USP16: variants seen among roughly 807,000 people sequenced by gnomAD.
The protein encoded by USP16 is ubiquitin specific peptidase 16, also known as ubiquitin carboxyl-terminal hydrolase 16.
USP16 carries 77 observed loss-of-function variants against 95.9 expected under a neutral mutation model. The observed-to-expected ratio is 0.80, with a 90% CI of 0.67 to 0.97. USP16 has a LOEUF of 0.97. Ranked by LOEUF, USP16 falls within the 50% of genes least tolerant of loss-of-function variation. The pLI, the probability that USP16 is intolerant of heterozygous loss-of-function variation, is 0.00. For missense variants in USP16, 943 were observed against 959.9 expected (o/e 0.98, Z 0.23); for synonymous variants, 303 against 318.2 (o/e 0.95, Z 0.51).
At chr21:29,041,872 T>A (rs2085248437) in intron 10 of USP16, 141 bp from the exon 11 acceptor site, 1 of 657,094 alleles carries the variant, frequency 1.5e-6, no homozygotes, top group African/African-American at 1.8e-5. Context: ...AAAAAGGTGA[T>A]TATGAATGGA....
rs777198114 is a variant in USP16, at chr21:29,053,910, G to T, written c.2302G>T (p.Ala768Ser). ...CACTGCCTATGCCAAGGCAAGAACC[G>T]CAAATAGTCATCTCTCTAATCTTGT... Reference protein sequence around the residue: ...HYTAYAKARTANSHLSNLVLH... With the variant: ...HYTAYAKARTSNSHLSNLVLH... Residue 768 changes from alanine to serine, a missense_variant, in exon 17 of 18, where the codon GCA becomes TCA. Coordinates refer to ENST00000399976, the MANE Select transcript of USP16 (RefSeq NM_006447.3). 1.9e-6 allele frequency: 3 copies of T among 1,614,090 alleles called. No individual in the cohort carries two copies. The highest frequency in any genetic ancestry group is 2.2e-5 in the South Asian group (2 of 91,090).
chr21:29,025,739 C>T, intron 1 of USP16: 1 of 984,616 alleles, frequency 1.0e-6, no homozygotes, highest in Non-Finnish European at 1.2e-6. Flanking sequence ...ATGTACCTAC[C>T]TTTGCACCTT....
rs1367332046 is a variant in USP16, at chr21:29,030,681, G to A, written c.148G>A (p.Asp50Asn). 1 of 1,614,024 alleles carries A rather than the reference G, an allele frequency of 6.2e-7. No homozygotes were observed. Among genetic ancestry groups the A allele is most frequent in the South Asian group, 1.1e-5 (1 of 91,040 alleles). ...LVNVEWNICQDCKTDNKVKDK... is the reference protein window; with the variant it reads ...LVNVEWNICQNCKTDNKVKDK... ...GAATGTGGAATGGAATATCTGCCAA[G>A]ACTGTAAGACTGACAATAAAGTGAA... The change falls in exon 3 of 18, where the codon GAC becomes AAC. Residue 50 changes from aspartate to asparagine, a missense_variant. Physicochemically the swap from Asp to Asn is conservative, Grantham distance 23 (BLOSUM62 1). Transcript: ENST00000399976.
At position 29,050,127 on chromosome 21, in the gene USP16, A is replaced by G; in HGVS notation, c.2142A>G (p.Ile714Met). Reference protein sequence around the residue: ...GFNLRKVNKHIKFPEILDLAP... With the variant: ...GFNLRKVNKHMKFPEILDLAP... ...ACCTACGCAAAGTTAACAAACACAT[A>G]AAGTTTCCGGAAATCTTAGATTTGG... The change falls in exon 16 of 18, where the codon ATA becomes ATG. Residue 714 changes from isoleucine (I) to methionine (M), a missense_variant. By Grantham distance (10) the Ile-to-Met change is conservative. Coordinates refer to ENST00000399976, the MANE Select transcript of USP16 (RefSeq NM_006447.3). 6.2e-7 allele frequency: 1 copy of G among 1,613,692 alleles called. No homozygotes were observed. Among genetic ancestry groups the G allele is most frequent in the Non-Finnish European group, 8.5e-7 (1 of 1,179,906 alleles).
chr21:29,039,564 A>G lies in USP16; in HGVS notation c.947A>G (p.His316Arg). The change falls in exon 9 of 18, where the codon CAC (histidine) becomes CGC (arginine). Residue 316 changes from histidine to arginine, a missense_variant. Transcript: ENST00000399976. The stretch of plus-strand genomic sequence containing the variant: ...TTGGATGGGATGAGAGCAGAAGAAC[A>G]CCAAGTTAGCATGTTATGACCATTG... The part of the protein sequence containing the change: ...YLLDGMRAEE[H>R]QRVSKGILKA... 1 of 1,612,558 alleles carries G rather than the reference A, an allele frequency of 6.2e-7. No individual in the cohort carries two copies.
intron 13 of USP16, among the ~76,000 whole-genome samples, chr21:29,045,645 A>G (rs2146390218): frequency 6.6e-6 from 1 of 151,500 alleles, no homozygotes; most frequent in South Asian, 2.1e-4. Flanking sequence ...AGTCAGACCC[A>G]CCGTGTGGTA....
chr21:29,027,500 A>T (rs986019527), intron 1 of USP16, among the ~76,000 whole-genome samples: 12 of 152,248 alleles, frequency 7.9e-5, no homozygotes, highest in Non-Finnish European at 2.9e-5. Flanking sequence ...AAGGGAAGCA[A>T]ATCAGTTTTC....
chr21:29,046,710 T>G lies in USP16; in HGVS notation c.1400T>G (p.Leu467Ter). The G allele has an allele frequency of 1.2e-6, 2 of 1,610,118 alleles. No individual in the cohort carries two copies. The highest frequency in any genetic ancestry group is 1.7e-6 in the Non-Finnish European group (2 of 1,178,568). Residue 467 changes from leucine (L) to a stop codon, truncating the protein, a stop_gained, in exon 14 of 18, where the codon TTA (leucine) becomes TGA (stop). Transcript: ENST00000399976. LOFTEE classifies it high-confidence loss of function. ...QQKIQGKVLH[L>*]NDICTIDHPE... ...AAAATTCAAGGAAAAGTTCTTCATTTAAATGATATTTGTACTATTGACCAT... is the reference window on the plus strand; with the variant it reads ...AAAATTCAAGGAAAAGTTCTTCATTGAAATGATATTTGTACTATTGACCAT...
At chr21:29,044,548 A>G (rs1601065369) in intron 13 of USP16, among the ~76,000 whole-genome samples, 1 of 151,512 alleles carries the variant, frequency 6.6e-6, no homozygotes, top group East Asian at 1.9e-4. Flanking sequence ...CCCAGGTTCA[A>G]GTGATTCTCC....
chr21:29,046,799 C>T lies in USP16; in HGVS notation c.1489C>T (p.His497Tyr). The change falls in exon 14 of 18, where the codon CAT becomes TAT. Residue 497 changes from histidine to tyrosine, a missense_variant. Physicochemically the swap from His to Tyr is moderately conservative, Grantham distance 83 (BLOSUM62 2). Coordinates refer to ENST00000399976, the MANE Select transcript of USP16 (RefSeq NM_006447.3). The stretch of plus-strand genomic sequence containing the variant: ...AGGAGAAGTAAATATTAAATCCAAC[C>T]ATATTTCACAAGAGGGTGTTATGCA... ...LQGEVNIKSN[H>Y]ISQEGVMHKE... The T allele has an allele frequency of 5.6e-6, 9 of 1,614,020 alleles. No homozygotes were observed. Among genetic ancestry groups the T allele is most frequent in the Non-Finnish European group, 7.6e-6 (9 of 1,180,000 alleles).
chr21:29,024,891 C>T, intron 1 of USP16, 114 bp downstream of exon 1: 2 of 1,085,078 alleles, frequency 1.8e-6, no homozygotes, highest in Middle Eastern at 4.2e-4. Context: ...TCTCCTTAAG[C>T]ACGTAACCCG....
intron 16 of USP16, 81 bp from the exon 17 acceptor site, chr21:29,053,721 G>C: frequency 7.0e-7 from 1 of 1,422,024 alleles, no homozygotes; most frequent in Non-Finnish European, 9.6e-7. Context: ...AAGACCCTTT[G>C]CATAGTGTAA....
In USP16 at chr21:29,043,549, A is replaced by G; in HGVS notation, c.1306A>G (p.Ser436Gly). ...KERSDIPSGTSKHLQKKAKKQ... is the reference protein window; with the variant it reads ...KERSDIPSGTGKHLQKKAKKQ... ...GAGAAGTGATATTCCTTCTGGAACA[A>G]GTAAGCACTTACAGAAAAAAGCAAA... Residue 436 changes from serine (S) to glycine (G), a missense_variant, in exon 13 of 18, where the codon AGT becomes GGT. Transcript: ENST00000399976. 1 of 1,583,084 alleles carries G rather than the reference A, an allele frequency of 6.3e-7. No individual in the cohort carries two copies. Among genetic ancestry groups the G allele is most frequent in the East Asian group, 2.3e-5 (1 of 43,832 alleles).
At chr21:29,052,003 A>C (rs1197464979) in intron 16 of USP16, 1 of 152,158 alleles carries the variant, frequency 6.6e-6, no homozygotes, top group Non-Finnish European at 1.5e-5. Context: ...TGGCAGGTAC[A>C]TTATAGGATT....
chr21:29,038,352 A>T lies in USP16; in HGVS notation c.654A>T (p.Pro218=). The part of the protein sequence containing the change: ...NAVMQNLSQT[P]VLRELLKEVK... ...CATTCTAGAACTTGTCACAAACACC[A>T]GTGCTTAGAGAACTACTAAAAGAAG... Residue 218 remains proline (P), a synonymous_variant, in exon 7 of 18, where the codon CCA becomes CCT. Coordinates refer to ENST00000399976, the MANE Select transcript of USP16 (RefSeq NM_006447.3). 6.2e-7 allele frequency: 1 copy of T among 1,610,506 alleles called. No individual in the cohort carries two copies. The highest frequency in any genetic ancestry group is 8.5e-7 in the Non-Finnish European group (1 of 1,178,116).
chr21:29,038,762 TTTA>T (rs1400549032), intron 7 of USP16, among the ~76,000 whole-genome samples: 2 of 152,228 alleles, frequency 1.3e-5, no homozygotes, highest in Non-Finnish European at 2.9e-5. Flanking sequence ...CTTATCCATT[TTTA>T]TTATTTACAT....
intron 3 of USP16, among the ~76,000 whole-genome samples, chr21:29,033,233 GCTA>G (rs1384038419): frequency 6.6e-6 from 1 of 152,072 alleles, no homozygotes; most frequent in East Asian, 1.9e-4. Context: ...GGCACTGTTA[GCTA>G]ATGATTCTTA....
rs377539518 is a variant in USP16, at chr21:29,038,461, C to T, written c.732+31C>T. 1.5e-5 allele frequency: 21 copies of T among 1,428,696 alleles called. No homozygotes were observed. In the Admixed American group the frequency reaches 2.9e-4, roughly 19 times the overall value. 88.5% of individuals were successfully genotyped at this position (1,428,696 alleles called of 1,614,324 possible). A position where few individuals can be genotyped will look rare whatever the true frequency, so the allele number is the denominator to read the frequency against. ...TTCTTTAAACTTTTCTAGTCTGTAA[C>T]TTTCCTCTCTGAATGTGTGTTTTCT... On this transcript the variant is annotated intron_variant, in intron 7 of 17. Transcript: ENST00000399976.
intron 7 of USP16, among the ~76,000 whole-genome samples, chr21:29,038,631 A>G (rs546586448): frequency 6.6e-5 from 10 of 152,326 alleles, no homozygotes; most frequent in Non-Finnish European, 1.3e-4. Context: ...CTGTTTTTCT[A>G]TGCTCGAGTG....
Sources: allele counts gnomAD v4.1 joint callset (sites outside exome capture counted in the v4.1 genomes callset), GRCh38; gene constraint gnomAD v4.1.1; transcripts MANE v1.5; gene names NCBI Gene and HGNC (gene_info 2026-07-23, HGNC 2026-07-21).